SOX6: variants seen among roughly 807,000 people sequenced by gnomAD.
SOX6 encodes the protein transcription factor SOX-6.
Under a neutral mutation model 97.8 loss-of-function variants are expected in SOX6, and 11 were observed. That is an observed-to-expected ratio of 0.11 (90% CI 0.07 to 0.19). The LOEUF is 0.19. Among genes scored for constraint, SOX6 ranks in the 10% least tolerant of loss-of-function variants. The pLI, the probability that SOX6 is intolerant of heterozygous loss-of-function variation, is 1.00. For missense variants in SOX6, 810 were observed against 1,039.5 expected (o/e 0.78, Z 3.04); for synonymous variants, 360 against 371.4 (o/e 0.97, Z 0.35).
chr11:16,413,301 AG>A (rs961405142), intron 1 of SOX6, among the ~76,000 whole-genome samples: 1 of 152,088 alleles, frequency 6.6e-6, no homozygotes, highest in African/African-American at 2.4e-5. Flanking sequence ...AGCTACCCCA[AG>A]TAATCATTCC....
intron 10 of SOX6, among the ~76,000 whole-genome samples, chr11:16,052,764 T>G (rs1220703823): frequency 6.6e-6 from 1 of 152,156 alleles, no homozygotes; most frequent in Non-Finnish European, 1.5e-5. Flanking sequence ...TAGACTTACT[T>G]CTAAGCATTT....
At chr11:15,982,139 G>A (rs547958297) in intron 15 of SOX6, among the ~76,000 whole-genome samples, 8 of 152,068 alleles carry the variant, frequency 5.3e-5, no homozygotes, top group East Asian at 1.9e-4. Context: ...ATGCTATACC[G>A]CCTCTGTGTG....
chr11:16,226,922 T>A (rs1852705614), intron 4 of SOX6, among the ~76,000 whole-genome samples: 1 of 152,184 alleles, frequency 6.6e-6, no homozygotes, highest in African/African-American at 2.4e-5. Context: ...TTTTTCTTGC[T>A]CCCACTGCAG....
chr11:16,496,286 G>C (rs1759236461), intron 4 of SOX6, among the ~76,000 whole-genome samples: 1 of 148,800 alleles, frequency 6.7e-6, no homozygotes, highest in Non-Finnish European at 1.5e-5. Context: ...TGATATTACA[G>C]AAGATCAATG....
At chr11:16,606,415 C>G (rs1307231358) in intron 4 of SOX6, among the ~76,000 whole-genome samples, 1 of 152,126 alleles carries the variant, frequency 6.6e-6, no homozygotes, top group Non-Finnish European at 1.5e-5. Context: ...TACCGCCTAG[C>G]GGTCCCATCT....
At chr11:16,281,675 T>C (rs1453832445) in intron 3 of SOX6, among the ~76,000 whole-genome samples, 2 of 151,884 alleles carry the variant, frequency 1.3e-5, no homozygotes, top group Non-Finnish European at 2.9e-5. Context: ...AGTACTTAAG[T>C]CTGGCAAGTG....
In SOX6 at chr11:16,396,456, G is replaced by C. The variant is rs556841767; in HGVS notation, c.-4-55204C>G. 2.6e-5 allele frequency among the ~76,000 whole-genome samples: 4 copies of C among 151,508 alleles called. No homozygotes were observed. The South Asian group carries it at 8.3e-4, about 31-fold the overall frequency. On this transcript the variant is annotated intron_variant, in intron 1 of 15. Coordinates refer to the SOX6 transcript ENST00000396356. The stretch of plus-strand genomic sequence containing the variant: ...GTAGATTTCCGACACTGAATTTTTA[G>C]TTTTTGAAAAAGATTTTTTTCTGTG...
chr11:16,657,072 A>G (rs75971347), intron 3 of SOX6, among the ~76,000 whole-genome samples: 5,192 of 152,312 alleles, frequency 0.034, 276 homozygotes, highest in African/African-American at 0.12. Flanking sequence ...AGTATCATAC[A>G]GAATCACTTC....
intron 2 of SOX6, among the ~76,000 whole-genome samples, chr11:16,716,279 T>C (rs1345532374): frequency 6.6e-6 from 1 of 152,034 alleles, no homozygotes; most frequent in Non-Finnish European, 1.5e-5. Flanking sequence ...TGTGGTGGTA[T>C]GCACCTATAG....
At chr11:16,153,953 A>T (rs1850528422) in intron 6 of SOX6, among the ~76,000 whole-genome samples, 1 of 152,208 alleles carries the variant, frequency 6.6e-6, no homozygotes, top group African/African-American at 2.4e-5. Flanking sequence ...TCTAAGTTCT[A>T]CTTTTCTGAA....
chr11:16,623,146 G>A (rs529688453), intron 3 of SOX6, among the ~76,000 whole-genome samples: 4 of 151,820 alleles, frequency 2.6e-5, no homozygotes, highest in African/African-American at 4.8e-5. Context: ...TCAGCCTCTC[G>A]GGTAGCTGGG....
intron 4 of SOX6, among the ~76,000 whole-genome samples, chr11:16,492,484 C>G (rs1860527683): frequency 6.6e-6 from 1 of 152,192 alleles, no homozygotes; most frequent in Non-Finnish European, 1.5e-5. Flanking sequence ...AGAAGAAACT[C>G]TTAATCAGCA....
intron 1 of SOX6, among the ~76,000 whole-genome samples, chr11:16,458,740 G>A (rs528218787): frequency 2.6e-5 from 4 of 152,056 alleles, no homozygotes; most frequent in Non-Finnish European, 5.9e-5. Flanking sequence ...CTAAAAAACT[G>A]GGCAAAATAC....
chr11:15,972,500 G>A lies in SOX6; in HGVS notation c.*309C>T. 2.8e-6 allele frequency: 1 copy of A among 361,140 alleles called. No individual in the cohort carries two copies. Among genetic ancestry groups the A allele is most frequent in the Non-Finnish European group, 5.1e-6 (1 of 196,130 alleles). The allele number at this position is 361,140 out of a possible 1,614,324, so 22.4% of individuals were successfully genotyped here. Reference sequence around the variant, plus strand: ...TATCAACATCCAAAAGAAAAAAAAAGTAAGACAAAAATATAAGACTTGTAA... The same window carrying A: ...TATCAACATCCAAAAGAAAAAAAAAATAAGACAAAAATATAAGACTTGTAA... On this transcript the variant is annotated 3_prime_UTR_variant, in exon 16 of 16. Transcript: ENST00000683767.
At chr11:16,017,307 A>G (rs1854916671) in intron 12 of SOX6, among the ~76,000 whole-genome samples, 1 of 152,080 alleles carries the variant, frequency 6.6e-6, no homozygotes, top group Non-Finnish European at 1.5e-5. Flanking sequence ...CCTTTAAAAT[A>G]TCAATATTTT....
intron 4 of SOX6, among the ~76,000 whole-genome samples, chr11:16,545,499 C>T (rs900089518): frequency 6.6e-6 from 1 of 152,164 alleles, no homozygotes; most frequent in Non-Finnish European, 1.5e-5. Context: ...CCACAGATAA[C>T]ATCATTCTGA....
At chr11:16,332,134 A>G (rs1273752982) in intron 2 of SOX6, among the ~76,000 whole-genome samples, 1 of 152,174 alleles carries the variant, frequency 6.6e-6, no homozygotes, top group Non-Finnish European at 1.5e-5. Flanking sequence ...AAATGAGAGA[A>G]TCATCTTTAG....
chr11:16,340,502 C>T (rs962520199), intron 2 of SOX6, among the ~76,000 whole-genome samples: 1 of 151,862 alleles, frequency 6.6e-6, no homozygotes, highest in Non-Finnish European at 1.5e-5. Flanking sequence ...GGTTTGCATG[C>T]CCTTTTGAAA....
chr11:16,302,265 G>C (rs914112092), intron 3 of SOX6, among the ~76,000 whole-genome samples: 1 of 152,134 alleles, frequency 6.6e-6, no homozygotes, highest in African/African-American at 2.4e-5. Context: ...GTTCTCAACT[G>C]CTCCCCACTA....
Sources: allele counts gnomAD v4.1 joint callset (sites outside exome capture counted in the v4.1 genomes callset), GRCh38; gene constraint gnomAD v4.1.1; transcripts MANE v1.5; gene names NCBI Gene and HGNC (gene_info 2026-07-23, HGNC 2026-07-21).